SHROOM3: variants seen among roughly 807,000 people sequenced by gnomAD.
SHROOM3 encodes shroom family member 3, also known as protein Shroom3.
A neutral mutation model predicts 138.6 loss-of-function variants in SHROOM3; 47 were observed. That is an observed-to-expected ratio of 0.34 (90% confidence interval 0.27 to 0.43). SHROOM3 has a LOEUF of 0.43. Among genes scored for constraint, SHROOM3 ranks in the 20% least tolerant of loss-of-function variants. SHROOM3 has a pLI of 1.00. For synonymous variants in SHROOM3, 1,062 were observed against 1,063.3 expected, an observed-to-expected ratio of 1.00 and a Z score of 0.02; for missense variants, 2,491 against 2,596.5, an observed-to-expected ratio of 0.96 and a Z score of 0.88.
intron 2 of SHROOM3, among the ~76,000 whole-genome samples, chr4:76,606,008 T>TATA (rs1491237830): frequency 1.0e-3 from 77 of 77,074 alleles, no homozygotes; most frequent in African/African-American, 3.2e-3. Flanking sequence ...TATATATATA[T>TATA]TTTTTTTTTT....
chr4:76,505,129 AC>A (rs1032089409), intron 1 of SHROOM3, among the ~76,000 whole-genome samples: 6 of 152,178 alleles, frequency 3.9e-5, no homozygotes, highest in African/African-American at 1.2e-4. Context: ...TACTTTGTGT[AC>A]CCATGTCCCA....
In SHROOM3 at chr4:76,561,734, G is replaced by A. The variant is rs185075416; in HGVS notation, c.323+5971G>A. ...AGAGAGAGACAAAAGACAAGGCCGGGCATGGTGGCTCACGTCTGTAATCCC... is the reference window on the plus strand; with the variant it reads ...AGAGAGAGACAAAAGACAAGGCCGGACATGGTGGCTCACGTCTGTAATCCC... On this transcript the variant is annotated intron_variant, in intron 2 of 10. Coordinates refer to ENST00000296043, the MANE Select transcript of SHROOM3 (RefSeq NM_020859.4). Among the ~76,000 whole-genome samples the A allele has an allele frequency of 2.2e-3, 340 of 151,588 alleles. 1 individual carries two copies. Among genetic ancestry groups the A allele is most frequent in the African/African-American group, 7.7e-3 (317 of 41,324 alleles).
intron 2 of SHROOM3, chr4:76,559,215 C>T (rs1340874009): frequency 6.6e-6 from 1 of 152,172 alleles, no homozygotes; most frequent in African/African-American, 2.4e-5. Flanking sequence ...GCCTTTACAT[C>T]TGACACATGC....
chr4:76,730,551 A>G (rs1199180640), intron 3 of SHROOM3, among the ~76,000 whole-genome samples: 1 of 152,238 alleles, frequency 6.6e-6, no homozygotes, highest in African/African-American at 2.4e-5. Context: ...AATTCTTTAC[A>G]CTAATTTTGC....
chr4:76,741,069 G>T lies in SHROOM3; in HGVS notation c.2896G>T (p.Val966Leu). Residue 966 changes from valine (V) to leucine (L), a missense_variant, in exon 5 of 11, where the codon GTG becomes TTG. This residue lies in a region of SHROOM3 where 1,733 missense variants were observed against 1,661.6 expected (regional missense o/e 1.04). Transcript: ENST00000296043. The surrounding 1 kb of genome is among the most constrained non-coding windows in gnomAD (Gnocchi z 6.2). ...GCGGCCACGGCCTTCCTCGGCCCAC[G>T]TGGGGCTGCGGAGCCCCGAGGCGTC... The part of the protein sequence containing the change: ...SWRPRPSSAH[V>L]GLRSPEASAS... 2 of 1,525,314 alleles carry T rather than the reference G, an allele frequency of 1.3e-6. No individual in the cohort carries two copies. Among genetic ancestry groups the T allele is most frequent in the South Asian group, 2.5e-5 (2 of 78,620 alleles). The allele number at this position is 1,525,314 out of a possible 1,614,324, so 94.5% of individuals were successfully genotyped here. A position where few individuals can be genotyped will look rare whatever the true frequency, so the allele number is the denominator to read the frequency against.
At chr4:76,647,877 A>G (rs754363264) in intron 2 of SHROOM3, among the ~76,000 whole-genome samples, 6 of 152,040 alleles carry the variant, frequency 3.9e-5, no homozygotes, top group African/African-American at 1.2e-4. Context: ...CCAGCCTGGG[A>G]GACACAGCTA....
chr4:76,658,401 G>A (rs530478604), intron 2 of SHROOM3, among the ~76,000 whole-genome samples: 1 of 152,302 alleles, frequency 6.6e-6, no homozygotes, highest in African/African-American at 2.4e-5. Flanking sequence ...AGTAGAAAAA[G>A]ATTTACATTG....
chr4:76,701,787 A>C (rs540055913), intron 2 of SHROOM3, among the ~76,000 whole-genome samples: 73 of 152,296 alleles, frequency 4.8e-4, no homozygotes, highest in Admixed American at 1.6e-3. Context: ...GAGCTCTCAA[A>C]GTAATCCCCT....
chr4:76,682,881 A>G (rs917574433), intron 2 of SHROOM3, among the ~76,000 whole-genome samples: 1 of 152,222 alleles, frequency 6.6e-6, no homozygotes, highest in African/African-American at 2.4e-5. Flanking sequence ...ATGACAAGTG[A>G]GGAAAATGTG....
intron 1 of SHROOM3, among the ~76,000 whole-genome samples, chr4:76,521,302 A>T (rs946073526): frequency 9.2e-5 from 14 of 152,040 alleles, no homozygotes; most frequent in African/African-American, 3.4e-4. Context: ...GTGCGCACAT[A>T]TGTGTGTGTG....
intron 2 of SHROOM3, among the ~76,000 whole-genome samples, chr4:76,697,116 T>G (rs1323616157): frequency 6.8e-6 from 1 of 146,654 alleles, no homozygotes; most frequent in East Asian, 2.0e-4. Context: ...TGGTAAGAGA[T>G]GAGGTCTCAC....
intron 2 of SHROOM3, among the ~76,000 whole-genome samples, chr4:76,699,431 A>C (rs537155137): frequency 7.2e-5 from 11 of 152,296 alleles, no homozygotes; most frequent in Admixed American, 5.2e-4. Context: ...GCTCATCTGT[A>C]CTAACCTCCT....
At chr4:76,688,870 G>A in intron 2 of SHROOM3, 10 of 985,144 alleles carry the variant, frequency 1.0e-5, no homozygotes, top group Non-Finnish European at 1.2e-5. Flanking sequence ...AGGCTTCAGC[G>A]GCATTCACCA....
chr4:76,751,216 T>C (rs2110141386), intron 6 of SHROOM3, among the ~76,000 whole-genome samples: 1 of 152,274 alleles, frequency 6.6e-6, no homozygotes, highest in South Asian at 2.1e-4. Context: ...TTAATCATAG[T>C]ACGAAGACAA....
intron 2 of SHROOM3, among the ~76,000 whole-genome samples, chr4:76,661,532 C>T (rs1365001713): frequency 1.3e-5 from 2 of 152,156 alleles, no homozygotes; most frequent in Non-Finnish European, 2.9e-5. Context: ...CTGCGCCTGG[C>T]AAATATAGTC....
chr4:76,744,642 G>C (rs1721370566), intron 5 of SHROOM3, among the ~76,000 whole-genome samples: 1 of 152,148 alleles, frequency 6.6e-6, no homozygotes, highest in Non-Finnish European at 1.5e-5. Context: ...TTTTGGGAAG[G>C]TTTGTTAATC....
chr4:76,724,860 T>C (rs1001000972), intron 3 of SHROOM3, among the ~76,000 whole-genome samples: 1 of 152,210 alleles, frequency 6.6e-6, no homozygotes, highest in African/African-American at 2.4e-5. Flanking sequence ...AATCTTTTGA[T>C]GGGTATGTTA....
Position 76,739,532 on chromosome 4 carries a change from C to G in SHROOM3, c.1359C>G (p.Thr453=). Residue 453 remains threonine (T), a synonymous_variant, in exon 5 of 11, where the codon ACC becomes ACG. Coordinates refer to ENST00000296043, the MANE Select transcript of SHROOM3 (RefSeq NM_020859.4). Reference sequence around the variant, plus strand: ...CAGTGAAGCCCAAGCATAACTATACCCAGAAGGCCCAACCTGGCCAACCTC... The same window carrying G: ...CAGTGAAGCCCAAGCATAACTATACGCAGAAGGCCCAACCTGGCCAACCTC... ...SPPVKPKHNY[T]QKAQPGQPLL... 6.2e-7 allele frequency: 1 copy of G among 1,614,072 alleles called. No homozygotes were observed. The highest frequency in any genetic ancestry group is 8.5e-7 in the Non-Finnish European group (1 of 1,179,972).
intron 10 of SHROOM3, 134 bp downstream of exon 10, chr4:76,771,032 A>G (rs757165188): frequency 1.6e-5 from 19 of 1,164,714 alleles, no homozygotes; most frequent in Middle Eastern, 2.1e-4. Flanking sequence ...GAATACATGT[A>G]TAGGTAACCA....
Sources: allele counts gnomAD v4.1 joint callset (sites outside exome capture counted in the v4.1 genomes callset), GRCh38; gene constraint gnomAD v4.1.1; regional missense constraint gnomAD v4.1.1; non-coding constraint Gnocchi (gnomAD v3.1); transcripts MANE v1.5; gene names NCBI Gene and HGNC (gene_info 2026-07-23, HGNC 2026-07-21).